Variants in MACROD2 observed in about 807,000 individuals in gnomAD.
MACROD2 encodes the protein mono-ADP ribosylhydrolase 2.
Under a neutral mutation model 70.4 loss-of-function variants are expected in MACROD2, and 36 were observed. That is an observed-to-expected ratio of 0.51 (90% CI 0.39 to 0.68). The LOEUF (loss-of-function observed/expected upper bound fraction) is 0.68. MACROD2 is among the 30% of genes least tolerant of loss of function. The pLI, the probability that MACROD2 is intolerant of heterozygous loss-of-function variation, is 0.00. For missense variants in MACROD2, 496 were observed against 538.4 expected, an observed-to-expected ratio of 0.92 and a Z score of 0.78; for synonymous variants, 172 against 178.8, an observed-to-expected ratio of 0.96 and a Z score of 0.30.
intron 5 of MACROD2, among the ~76,000 whole-genome samples, chr20:14,961,594 C>T (rs948257490): frequency 2.0e-5 from 3 of 152,046 alleles, no homozygotes; most frequent in African/African-American, 7.2e-5. Flanking sequence ...GTGGCGCAAT[C>T]ACAGCTCACT....
intron 6 of MACROD2, among the ~76,000 whole-genome samples, chr20:15,360,738 AC>A (rs2078342453): frequency 6.6e-6 from 1 of 151,794 alleles, no homozygotes; most frequent in African/African-American, 2.4e-5. Context: ...TCTTCCCCCT[AC>A]CTGTTCTAAT....
intron 3 of MACROD2, among the ~76,000 whole-genome samples, chr20:14,224,272 C>T (rs896859229): frequency 6.6e-6 from 1 of 152,178 alleles, no homozygotes; most frequent in Admixed American, 6.5e-5. Context: ...TATAGTATCC[C>T]AGCCCTAGGC....
In MACROD2 at chr20:14,803,662, G is replaced by A. The variant is rs185048621; in HGVS notation, c.418+118703G>A. 1.5e-3 allele frequency among the ~76,000 whole-genome samples: 225 copies of A among 151,974 alleles called. 3 individuals are homozygous for A. The highest frequency in any genetic ancestry group is 5.4e-3 in the African/African-American group (222 of 41,428). On this transcript the variant is annotated intron_variant, in intron 5 of 17. Coordinates refer to ENST00000684519, the MANE Select transcript of MACROD2 (RefSeq NM_001351661.2). The stretch of plus-strand genomic sequence containing the variant: ...CACCTGGCTAATTTTTATATTTTTA[G>A]TAGAGACGGGGTTTCACTACATTGA...
intron 5 of MACROD2, among the ~76,000 whole-genome samples, chr20:14,778,787 G>A (rs2072264617): frequency 6.6e-6 from 1 of 152,106 alleles, no homozygotes; most frequent in Admixed American, 6.5e-5. Context: ...GAGGAAAGTG[G>A]TTAGATTCCT....
At chr20:14,895,523 C>T (rs963395685) in intron 5 of MACROD2, 15 of 152,032 alleles carry the variant, frequency 9.9e-5, no homozygotes, top group African/African-American at 2.2e-4. Flanking sequence ...GGGTAGATGG[C>T]TTTTGCGGAT....
intron 10 of MACROD2, among the ~76,000 whole-genome samples, chr20:15,915,288 C>T (rs1056481121): frequency 3.3e-5 from 5 of 152,018 alleles, no homozygotes; most frequent in Non-Finnish European, 5.9e-5. Context: ...CTGAAGCTAT[C>T]GAGGGGCCCA....
chr20:14,173,812 C>G (rs1042299240), intron 3 of MACROD2, among the ~76,000 whole-genome samples: 1 of 152,134 alleles, frequency 6.6e-6, no homozygotes, highest in Non-Finnish European at 1.5e-5. Context: ...ACAGGGTGCT[C>G]CCTTGATGTG....
chr20:14,853,511 G>C (rs2073221841), intron 5 of MACROD2, among the ~76,000 whole-genome samples: 1 of 96,858 alleles, frequency 1.0e-5, no homozygotes, highest in African/African-American at 3.0e-5. Flanking sequence ...TCAAAGTAGG[G>C]AGAAAAAAAA....
At chr20:15,316,861 G>A (rs1020028564) in intron 6 of MACROD2, among the ~76,000 whole-genome samples, 6 of 152,018 alleles carry the variant, frequency 3.9e-5, no homozygotes, top group African/African-American at 1.4e-4. Context: ...TGACCACAAT[G>A]ACATGAAGTT....
At chr20:14,044,262 T>C (rs818760) in intron 2 of MACROD2, among the ~76,000 whole-genome samples, 139,486 of 151,494 alleles carry the variant, frequency 0.92, 64,291 homozygotes, top group East Asian at 1. Flanking sequence ...TTGTTCCTCC[T>C]GGTGGGTTCG....
intron 5 of MACROD2, among the ~76,000 whole-genome samples, chr20:15,149,631 G>A (rs2076254849): frequency 6.6e-6 from 1 of 152,028 alleles, no homozygotes; most frequent in South Asian, 2.1e-4. Flanking sequence ...TATGAGAGCT[G>A]TAGAGAGTGA....
intron 5 of MACROD2, among the ~76,000 whole-genome samples, chr20:15,229,108 C>G (rs115955978): frequency 1.6e-3 from 245 of 152,254 alleles, no homozygotes; most frequent in Non-Finnish European, 2.6e-3. Context: ...GGTTTTTCTT[C>G]TGCTCTTTCT....
intron 6 of MACROD2, among the ~76,000 whole-genome samples, chr20:15,395,054 T>C (rs2045842838): frequency 6.6e-6 from 1 of 152,314 alleles, no homozygotes; most frequent in African/African-American, 2.4e-5. Context: ...TTCCCTACTT[T>C]GGATGGGCAA....
chr20:15,764,447 T>C (rs1402761515), intron 8 of MACROD2, among the ~76,000 whole-genome samples: 1 of 152,148 alleles, frequency 6.6e-6, no homozygotes, highest in African/African-American at 2.4e-5. Context: ...TCTTGACTCC[T>C]TCCCTTCCAC....
chr20:14,044,626 T>A (rs1476472337), intron 2 of MACROD2, among the ~76,000 whole-genome samples: 2 of 152,136 alleles, frequency 1.3e-5, no homozygotes, highest in Non-Finnish European at 2.9e-5. Flanking sequence ...CCCACTAGAT[T>A]AGCTAGATAC....
At chr20:14,807,337 T>C (rs1216321816) in intron 5 of MACROD2, among the ~76,000 whole-genome samples, 1 of 151,994 alleles carries the variant, frequency 6.6e-6, no homozygotes, top group African/African-American at 2.4e-5. Flanking sequence ...CCAGAAGACC[T>C]ACAGAAGAGG....
chr20:14,876,068 G>T (rs966746333), intron 5 of MACROD2, among the ~76,000 whole-genome samples: 1 of 152,066 alleles, frequency 6.6e-6, no homozygotes, highest in Non-Finnish European at 1.5e-5. Flanking sequence ...TTTAGAAATT[G>T]ATCTAATTTA....
At chr20:14,389,498 CT>C (rs2083505371) in intron 3 of MACROD2, among the ~76,000 whole-genome samples, 1 of 148,878 alleles carries the variant, frequency 6.7e-6, no homozygotes, top group African/African-American at 2.5e-5. Context: ...AGAGAGATCA[CT>C]TTTACCATGA....
chr20:14,778,738 G>C (rs1242216053), intron 5 of MACROD2, among the ~76,000 whole-genome samples: 5 of 152,136 alleles, frequency 3.3e-5, no homozygotes, highest in Non-Finnish European at 7.3e-5. Context: ...TTACTGTGAA[G>C]CTTGAGCTTA....
Sources: allele counts gnomAD v4.1 joint callset (sites outside exome capture counted in the v4.1 genomes callset), GRCh38; gene constraint gnomAD v4.1.1; transcripts MANE v1.5; gene names NCBI Gene and HGNC (gene_info 2026-07-23, HGNC 2026-07-21).